The following CTNNA3 variants were observed in gnomAD, a reference collection of about 807,000 sequenced individuals.
The protein encoded by CTNNA3 is catenin alpha 3, also known as catenin alpha-3.
A neutral mutation model predicts 95.7 loss-of-function variants in CTNNA3; 76 were observed. The ratio of observed to expected loss-of-function variants is 0.79; its 90% CI spans 0.66 to 0.96. The LOEUF is 0.96. Among genes scored for constraint, CTNNA3 ranks in the 40% least tolerant of loss-of-function variants. CTNNA3 has a pLI of 0.00. For synonymous variants in CTNNA3, 431 were observed against 374.4 expected (o/e 1.15, Z -1.74); for missense variants, 1,191 against 1,089.8 (o/e 1.09, Z -1.31).
At chr10:66,524,155 T>C (rs562391916) in intron 10 of CTNNA3, among the ~76,000 whole-genome samples, 47 of 13,498 alleles carry the variant, frequency 3.5e-3, no homozygotes, top group Admixed American at 0.019. Context: ...ACTTAACATA[T>C]CCATGGAAAT....
intron 13 of CTNNA3, among the ~76,000 whole-genome samples, chr10:66,226,478 A>T (rs963575953): frequency 3.9e-5 from 6 of 152,042 alleles, no homozygotes; most frequent in Non-Finnish European, 7.4e-5. Context: ...TTTGGAGACA[A>T]GCAGTATTAT....
intron 5 of CTNNA3, among the ~76,000 whole-genome samples, chr10:67,370,233 T>G (rs891030550): frequency 2.6e-5 from 4 of 152,140 alleles, no homozygotes; most frequent in African/African-American, 9.7e-5. Context: ...TGGAAAGATC[T>G]CCACTTGATT....
chr10:66,857,544 A>T (rs1368146909), intron 7 of CTNNA3, among the ~76,000 whole-genome samples: 2 of 152,004 alleles, frequency 1.3e-5, no homozygotes, highest in African/African-American at 4.8e-5. Flanking sequence ...TCATGAGCAT[A>T]GGATGTTTTT....
At chr10:66,190,149 CAAAG>C (rs1432571050) in intron 13 of CTNNA3, among the ~76,000 whole-genome samples, 3 of 151,998 alleles carry the variant, frequency 2.0e-5, no homozygotes, top group South Asian at 4.1e-4. Context: ...AAAGCCAAAA[CAAAG>C]AAAGAATCTT....
chr10:65,933,860 A>G (rs1224909362), intron 17 of CTNNA3, among the ~76,000 whole-genome samples: 4 of 152,150 alleles, frequency 2.6e-5, no homozygotes, highest in Admixed American at 1.3e-4. Flanking sequence ...TGATTGGTCT[A>G]GAGGTGTTTC....
intron 1 of CTNNA3, among the ~76,000 whole-genome samples, chr10:67,693,537 T>C (rs1840909617): frequency 6.6e-6 from 1 of 152,202 alleles, no homozygotes; most frequent in Non-Finnish European, 1.5e-5. Context: ...AAACAGAAGT[T>C]CATGGGGAAT....
At chr10:65,981,844 A>G (rs1459839738) in intron 16 of CTNNA3, among the ~76,000 whole-genome samples, 1 of 151,934 alleles carries the variant, frequency 6.6e-6, no homozygotes, top group Admixed American at 6.6e-5. Flanking sequence ...AAAAAAATCA[A>G]CTCAAGGTGA....
At chr10:66,673,105 T>C (rs549103950) in intron 9 of CTNNA3, among the ~76,000 whole-genome samples, 1 of 152,120 alleles carries the variant, frequency 6.6e-6, no homozygotes, top group African/African-American at 2.4e-5. Context: ...CTGCCAAGGA[T>C]AGATTCTAAA....
At chr10:67,146,823 C>T (rs756495364) in intron 7 of CTNNA3, among the ~76,000 whole-genome samples, 3 of 152,180 alleles carry the variant, frequency 2.0e-5, no homozygotes, top group Non-Finnish European at 4.4e-5. Context: ...ACATATACAA[C>T]TCTGGTTCCA....
chr10:66,818,086 T>C (rs1277780091), intron 7 of CTNNA3, among the ~76,000 whole-genome samples: 2 of 106,164 alleles, frequency 1.9e-5, no homozygotes, highest in African/African-American at 7.8e-5. Context: ...CGCTCTTTTA[T>C]TATTAACCAA....
At chr10:67,704,164 A>G (rs1186276492) in intron 1 of CTNNA3, among the ~76,000 whole-genome samples, 2 of 152,186 alleles carry the variant, frequency 1.3e-5, no homozygotes, top group African/African-American at 2.4e-5. Context: ...ATGCTCATGG[A>G]TAGGAAGAAT....
intron 13 of CTNNA3, among the ~76,000 whole-genome samples, chr10:66,273,818 G>T (rs2132138038): frequency 6.6e-6 from 1 of 152,098 alleles, no homozygotes. Flanking sequence ...GAGAAAAAGA[G>T]TACCTGGATG....
intron 10 of CTNNA3, among the ~76,000 whole-genome samples, chr10:66,545,578 G>C (rs1842010726): frequency 6.6e-6 from 1 of 152,010 alleles, no homozygotes; most frequent in African/African-American, 2.4e-5. Context: ...GTCACAGAGT[G>C]TATTAACTTT....
In CTNNA3 at chr10:66,193,511, T is replaced by C. The variant is rs139244837; in HGVS notation, c.1884+86959A>G. On this transcript the variant is annotated intron_variant, in intron 13 of 17. Coordinates refer to ENST00000433211, the MANE Select transcript of CTNNA3 (RefSeq NM_013266.4). ...CAGCTAAAGGAGAAGAAGCCATATA[T>C]AATCAGCAAAGCTCAGACCCAATGC... 3.3e-5 allele frequency among the ~76,000 whole-genome samples: 5 copies of C among 152,278 alleles called. No individual in the cohort carries two copies. In the East Asian group the frequency reaches 9.7e-4, roughly 29 times the overall value.
At chr10:66,130,055 C>A (rs1282618710) in intron 13 of CTNNA3, among the ~76,000 whole-genome samples, 1 of 152,126 alleles carries the variant, frequency 6.6e-6, no homozygotes, top group East Asian at 1.9e-4. Context: ...GCCCCTGTGC[C>A]AACACTGCCA....
At chr10:66,433,402 A>G (rs1007137781) in intron 11 of CTNNA3, among the ~76,000 whole-genome samples, 1 of 152,196 alleles carries the variant, frequency 6.6e-6, no homozygotes, top group South Asian at 2.1e-4. Context: ...ATGATCAGTG[A>G]TAACAAGCTT....
At chr10:66,227,507 C>T (rs2089369092) in intron 13 of CTNNA3, among the ~76,000 whole-genome samples, 1 of 151,530 alleles carries the variant, frequency 6.6e-6, no homozygotes. Flanking sequence ...TCCTTGCATT[C>T]CTAGAAAAAT....
chr10:66,822,080 TTACA>T (rs1329558575), intron 7 of CTNNA3, among the ~76,000 whole-genome samples: 2 of 146,854 alleles, frequency 1.4e-5, no homozygotes, highest in Non-Finnish European at 3.0e-5. Context: ...TTATATAAAA[TTACA>T]TATATTATAT....
intron 1 of CTNNA3, among the ~76,000 whole-genome samples, chr10:67,739,167 A>G (rs1010700423): frequency 6.6e-6 from 1 of 152,156 alleles, no homozygotes; most frequent in Non-Finnish European, 1.5e-5. Flanking sequence ...GAAATGAAGG[A>G]AAAAATGGTA....
Sources: gnomAD v4.1 joint callset for allele counts (sites outside exome capture counted in the v4.1 genomes callset) on GRCh38, gnomAD v4.1.1 for gene constraint, MANE v1.5 for transcripts, NCBI Gene and HGNC (gene_info 2026-07-23, HGNC 2026-07-21) for gene names.